Variants in MAK observed in about 807,000 individuals in gnomAD.
The protein encoded by MAK is male germ cell associated kinase, also known as serine/threonine-protein kinase MAK.
In MAK, 65 loss-of-function variants were observed where a neutral mutation model predicts 82.6. The ratio of observed to expected loss-of-function variants is 0.79; its 90% CI spans 0.64 to 0.97. The LOEUF is 0.97. Among genes scored for constraint, MAK ranks in the 50% least tolerant of loss-of-function variants. The pLI is 0.00. For synonymous variants in MAK, 250 were observed against 274.2 expected, an observed-to-expected ratio of 0.91 and a Z score of 0.87; for missense variants, 703 against 780.2, an observed-to-expected ratio of 0.90 and a Z score of 1.18.
chr6:10,789,641 T>G (rs1212803279), intron 10 of MAK, among the ~76,000 whole-genome samples: 1 of 152,188 alleles, frequency 6.6e-6, no homozygotes, highest in African/African-American at 2.4e-5. Flanking sequence ...ATAAAAGTTA[T>G]GTGAATGTGC....
At chr6:10,824,609 A>G (rs907962096) in intron 2 of MAK, among the ~76,000 whole-genome samples, 1 of 150,880 alleles carries the variant, frequency 6.6e-6, no homozygotes, top group Non-Finnish European at 1.5e-5. Context: ...CTCCATACAG[A>G]TGGGTGGAGG....
intron 2 of MAK, chr6:10,828,910 C>T (rs1778576318): frequency 6.6e-6 from 1 of 152,218 alleles, no homozygotes; most frequent in Non-Finnish European, 1.5e-5. Context: ...GAAGAAACAA[C>T]CAGCAGATAC....
At position 10,835,406 on chromosome 6, in the gene MAK, C is replaced by T. The variant is rs538087100; in HGVS notation, c.-230+3097G>A. Among the ~76,000 whole-genome samples the T allele has an allele frequency of 1.3e-3, 197 of 152,274 alleles. 19 individuals carry two copies. The highest frequency in any genetic ancestry group is 2.1e-4 in the South Asian group (1 of 4,828). ...TCCTGAGTAGCTGGGATTACAGGCG[C>T]GTGCCACCATGCCCGGCTAATTTCT... is the stretch of plus-strand genomic sequence containing the variant. On this transcript the variant is annotated intron_variant, in intron 1 of 14. Transcript: ENST00000354489.
At chr6:10,769,018 T>C (rs936816038) in intron 14 of MAK, among the ~76,000 whole-genome samples, 1 of 152,200 alleles carries the variant, frequency 6.6e-6, no homozygotes, top group Middle Eastern at 3.2e-3. Flanking sequence ...AGATCCAGCT[T>C]GGGCAACATA....
chr6:10,771,357 A>C (rs1773000693), intron 13 of MAK, among the ~76,000 whole-genome samples: 1 of 152,118 alleles, frequency 6.6e-6, no homozygotes, highest in African/African-American at 2.4e-5. Flanking sequence ...AAGGAATGGG[A>C]GATGAGGCAG....
chr6:10,794,371 C>T (rs534909800), intron 9 of MAK, among the ~76,000 whole-genome samples: 1 of 152,276 alleles, frequency 6.6e-6, no homozygotes, highest in South Asian at 2.1e-4. Context: ...AACACACAAA[C>T]ATTCCTGACC....
At chr6:10,806,347 GAGA>G in intron 6 of MAK, among the ~76,000 whole-genome samples, 1 of 149,984 alleles carries the variant, frequency 6.7e-6, no homozygotes, top group Non-Finnish European at 1.5e-5. Context: ...TTTTGTTTTT[GAGA>G]CAGAGTCTTG....
rs761401422 is a variant in MAK, at chr6:10,764,528, A to C, written c.1871T>G (p.Ile624Ser). Residue 624 changes from isoleucine (I) to serine (S), a missense_variant, in exon 15 of 15, where the codon ATT becomes AGT. By Grantham distance (142) the Ile-to-Ser change is moderately radical (BLOSUM62 -2). Transcript: ENST00000354489. ...TYNPTAKNLN[I>S]VNRAQPIPSV... is the part of the protein sequence containing the mutation. ...GGGAATGGGCTGTGCACGGTTCACA[A>C]TATTTAGGTTTTTTGCTGTAGGATT... 2 of 1,614,064 alleles carry C rather than the reference A, an allele frequency of 1.2e-6. No homozygotes were observed.
At chr6:10,811,405 G>A (rs1776922269) in intron 5 of MAK, among the ~76,000 whole-genome samples, 1 of 152,252 alleles carries the variant, frequency 6.6e-6, no homozygotes, top group Admixed American at 6.5e-5. Flanking sequence ...TTATAGGCTG[G>A]TTTCCCAAAT....
rs1199292901 is a variant in MAK at position 10,791,681 on chromosome 6, G to A, written c.1310C>T (p.Pro437Leu). Residue 437 changes from proline to leucine, a missense_variant, in exon 10 of 15, where the codon CCA becomes CTA. Pro to Leu is a moderately conservative substitution (Grantham distance 98). Transcript: ENST00000354489. ...GAGGAATTTGAAATCTTACCGAAAT[G>A]GAGAATCTTTTTTCCTTTTTTCTTT... ...VFKEKRKKDS[P>L]FRLPEPVPSG... The A allele has an allele frequency of 1.2e-6, 2 of 1,612,316 alleles. No individual in the cohort carries two copies. Among genetic ancestry groups the A allele is most frequent in the South Asian group, 1.1e-5 (1 of 90,988 alleles).
chr6:10,828,016 G>A (rs970681641), intron 2 of MAK, among the ~76,000 whole-genome samples: 5 of 151,902 alleles, frequency 3.3e-5, no homozygotes, highest in Admixed American at 6.6e-5. Flanking sequence ...AGAAATCAAT[G>A]TTTGTTTTTT....
chr6:10,819,135 T>C (rs562680330), intron 2 of MAK, among the ~76,000 whole-genome samples, 195 bp from the exon 3 acceptor site: 11 of 152,316 alleles, frequency 7.2e-5, no homozygotes, highest in African/African-American at 2.6e-4. Context: ...AATTCAGCTT[T>C]AATCAAAAGT....
rs1480793585 is a variant in MAK, at chr6:10,818,886, C to T, written c.156G>A (p.Lys52=). 6.4e-7 allele frequency: 1 copy of T among 1,563,748 alleles called. No individual in the cohort carries two copies. The highest frequency in any genetic ancestry group is 8.8e-7 in the Non-Finnish European group (1 of 1,135,380). The change falls in exon 3 of 15, where the codon AAG becomes AAA. Residue 52 remains lysine (K), a splice_region_variant and synonymous_variant. Coordinates refer to ENST00000354489, the MANE Select transcript of MAK (RefSeq NM_001242957.3). Reference sequence around the variant, plus strand: ...GTTCTTTTCATCTTTAGGATTTTACCTTAACTTCTCTCAAGTTCATGCATT... The same window carrying T: ...GTTCTTTTCATCTTTAGGATTTTACTTTAACTTCTCTCAAGTTCATGCATT... The part of the protein sequence containing the change: ...WDECMNLREV[K]SLKKLNHANV...
chr6:10,788,456 G>A (rs575935019), intron 10 of MAK, among the ~76,000 whole-genome samples: 1 of 152,280 alleles, frequency 6.6e-6, no homozygotes, highest in African/African-American at 2.4e-5. Flanking sequence ...AAGTCGCCAG[G>A]TGCGGTGGCT....
chr6:10,775,555 T>C (rs1773393981), intron 11 of MAK, 96 bp from the exon 12 acceptor site: 1 of 1,322,142 alleles, frequency 7.6e-7, no homozygotes, highest in East Asian at 2.4e-5. Flanking sequence ...AGAGACACCT[T>C]GGACAGGAGA....
chr6:10,796,382 G>T, intron 8 of MAK, 73 bp from the exon 9 acceptor site: 1 of 1,306,716 alleles, frequency 7.7e-7, no homozygotes, highest in Non-Finnish European at 1.1e-6. Flanking sequence ...ACTATGGTTG[G>T]CCCTGTGCGA....
chr6:10,837,488 C>T (rs1406604579), intron 1 of MAK, among the ~76,000 whole-genome samples: 1 of 152,170 alleles, frequency 6.6e-6, no homozygotes, highest in Non-Finnish European at 1.5e-5. Context: ...GGTCAAGCCT[C>T]GGGAATTGAA....
chr6:10,818,562 T>C (rs550616136), intron 3 of MAK, among the ~76,000 whole-genome samples: 2 of 147,416 alleles, frequency 1.4e-5, no homozygotes, highest in East Asian at 4.0e-4. Flanking sequence ...TGCAGTGAGC[T>C]GAGATCACAC....
chr6:10,785,686 C>G (rs1158300878), intron 10 of MAK, among the ~76,000 whole-genome samples: 1 of 152,250 alleles, frequency 6.6e-6, no homozygotes, highest in Non-Finnish European at 1.5e-5. Context: ...CCCAAAACTA[C>G]TCACTCTAAA....
Sources: gnomAD v4.1 joint callset for allele counts (sites outside exome capture counted in the v4.1 genomes callset) on GRCh38, gnomAD v4.1.1 for gene constraint, MANE v1.5 for transcripts, NCBI Gene and HGNC (gene_info 2026-07-23, HGNC 2026-07-21) for gene names.